Variants in CHL1 observed in about 807,000 individuals in gnomAD.
CHL1 encodes neural cell adhesion molecule L1-like protein.
CHL1 carries 96 observed loss-of-function variants against 141.9 expected under a neutral mutation model. The observed-to-expected ratio is 0.68, with a 90% CI of 0.57 to 0.80. The LOEUF is 0.80. CHL1 is among the 30% of genes least tolerant of loss of function. The pLI is 0.00. For synonymous variants in CHL1, 613 were observed against 502.2 expected (o/e 1.22, Z -2.95); for missense variants, 1,820 against 1,457.2 (o/e 1.25, Z -4.05).
At chr3:343,133 T>C in intron 8 of CHL1, 102 bp downstream of exon 8, 1 of 859,784 alleles carries the variant, frequency 1.2e-6, no homozygotes, top group Non-Finnish European at 1.8e-6. Flanking sequence ...ATTACAATAC[T>C]GTTATTATGA....
chr3:383,927 T>C (rs776454799), intron 19 of CHL1, 41 bp downstream of exon 19: 1 of 1,397,510 alleles, frequency 7.2e-7, no homozygotes, highest in Admixed American at 1.7e-5. Flanking sequence ...TTTGTGCTTT[T>C]CTCTTCCTCT....
intron 1 of CHL1, among the ~76,000 whole-genome samples, chr3:221,333 T>C (rs1055710296): frequency 4.6e-5 from 7 of 152,210 alleles, no homozygotes; most frequent in African/African-American, 1.2e-4. Context: ...CTAATCATCA[T>C]TGTAAAATTA....
At chr3:224,792 G>C (rs967916888) in intron 1 of CHL1, among the ~76,000 whole-genome samples, 5 of 152,122 alleles carry the variant, frequency 3.3e-5, no homozygotes, top group Admixed American at 3.3e-4. Context: ...TTCCCTGTTG[G>C]CTACATCAAA....
chr3:389,412 C>T lies in CHL1; in HGVS notation c.2408C>T (p.Ala803Val). 6.2e-7 allele frequency: 1 copy of T among 1,614,194 alleles called. No individual in the cohort carries two copies. Among genetic ancestry groups the T allele is most frequent in the Non-Finnish European group, 8.5e-7 (1 of 1,180,032 alleles). ...VYAPYDVKVQ[A>V]INQLGSGPDP... is the part of the protein sequence containing the mutation. ...GCCCCTTATGATGTCAAGGTCCAGG[C>T]TATCAATCAACTAGGATCTGGGCCT... Residue 803 changes from alanine (A) to valine (V), a missense_variant, in exon 20 of 28, where the codon GCT (alanine) becomes GTT (valine). Physicochemically the swap from Ala to Val is moderately conservative, Grantham distance 64 (BLOSUM62 0). Coordinates refer to ENST00000256509, the MANE Select transcript of CHL1 (RefSeq NM_006614.4).
chr3:374,354 G>A (rs912891738), intron 15 of CHL1, among the ~76,000 whole-genome samples: 3 of 152,154 alleles, frequency 2.0e-5, no homozygotes, highest in Non-Finnish European at 4.4e-5. Flanking sequence ...GGTCTCCGCT[G>A]ATCTGCCAAC....
chr3:296,414 C>T (rs1698190043), intron 2 of CHL1, among the ~76,000 whole-genome samples: 2 of 145,632 alleles, frequency 1.4e-5, no homozygotes, highest in African/African-American at 5.3e-5. Context: ...GGATATAAAT[C>T]CTGTCGCCTT....
At chr3:337,725 A>G (rs192333402) in intron 5 of CHL1, among the ~76,000 whole-genome samples, 230 of 152,256 alleles carry the variant, frequency 1.5e-3, no homozygotes, top group African/African-American at 5.2e-3. Flanking sequence ...ATAGTATTCC[A>G]TGGTGTATAT....
At chr3:227,819 T>G (rs115104381) in intron 1 of CHL1, among the ~76,000 whole-genome samples, 1 of 152,350 alleles carries the variant, frequency 6.6e-6, no homozygotes, top group African/African-American at 2.4e-5. Context: ...TGTTAGTGAT[T>G]TTGTTACAGT....
chr3:283,856 G>T (rs35454661), intron 2 of CHL1, among the ~76,000 whole-genome samples: 37,670 of 152,092 alleles, frequency 0.25, 4,899 homozygotes, highest in Middle Eastern at 0.4. Context: ...GTTGAGAACA[G>T]CTGGTATAAA....
chr3:348,125 A>G (rs1211590717), intron 9 of CHL1, among the ~76,000 whole-genome samples: 1 of 152,238 alleles, frequency 6.6e-6, no homozygotes, highest in African/African-American at 2.4e-5. Context: ...CTATAGAGTT[A>G]GGAAGGACAT....
At chr3:242,513 T>A (rs370287005) in intron 1 of CHL1, among the ~76,000 whole-genome samples, 7 of 151,796 alleles carry the variant, frequency 4.6e-5, no homozygotes, top group African/African-American at 9.7e-5. Flanking sequence ...GGAGAATGGC[T>A]TGAACCAGGG....
intron 1 of CHL1, among the ~76,000 whole-genome samples, chr3:207,968 C>T (rs1198368089): frequency 6.6e-6 from 1 of 152,140 alleles, no homozygotes; most frequent in African/African-American, 2.4e-5. Flanking sequence ...TTGGATTTGA[C>T]CTTAACCACT....
intron 5 of CHL1, among the ~76,000 whole-genome samples, chr3:330,953 ATCTC>A (rs150871584): frequency 1.3e-5 from 2 of 150,354 alleles, no homozygotes; most frequent in Non-Finnish European, 3.0e-5. Flanking sequence ...GTTAGCATGG[ATCTC>A]TCTCTCTCTC....
At chr3:256,734 G>A (rs967373599) in intron 2 of CHL1, among the ~76,000 whole-genome samples, 5 of 152,190 alleles carry the variant, frequency 3.3e-5, no homozygotes, top group East Asian at 1.9e-4. Context: ...ATTTGGGAAC[G>A]AGGGGAGGAT....
intron 2 of CHL1, among the ~76,000 whole-genome samples, chr3:299,964 G>A (rs981755429): frequency 7.2e-5 from 11 of 152,288 alleles, no homozygotes; most frequent in Non-Finnish European, 1.0e-4. Flanking sequence ...GTTGTTGGCC[G>A]CCTCTCCCTT....
chr3:223,286 A>G (rs1030677081), intron 1 of CHL1, among the ~76,000 whole-genome samples: 1 of 152,198 alleles, frequency 6.6e-6, no homozygotes, highest in Non-Finnish European at 1.5e-5. Flanking sequence ...TACTTAAGTG[A>G]AGTGTTATAG....
chr3:365,404 G>A lies in CHL1; in HGVS notation c.1586-546G>A, dbSNP rs140885362. Among the ~76,000 whole-genome samples the A allele has an allele frequency of 7.7e-3, 1,165 of 152,244 alleles. 18 individuals are homozygous for A. The highest frequency in any genetic ancestry group is 0.027 in the African/African-American group (1,109 of 41,524). Reference sequence around the variant, plus strand: ...ACACTATGTATTGAATGCCTACGGTGTACAGGCTCCCTTCTAGGCTCTGGA... The same window carrying A: ...ACACTATGTATTGAATGCCTACGGTATACAGGCTCCCTTCTAGGCTCTGGA... On this transcript the variant is annotated intron_variant, in intron 14 of 27. Coordinates refer to ENST00000256509, the MANE Select transcript of CHL1 (RefSeq NM_006614.4).
intron 1 of CHL1, among the ~76,000 whole-genome samples, chr3:228,255 A>G (rs748300497): frequency 1.4e-4 from 22 of 152,338 alleles, no homozygotes; most frequent in Non-Finnish European, 1.9e-4. Context: ...AGAATCTTTT[A>G]TCTTTTACCC....
chr3:317,899 A>C (rs1009062454), intron 2 of CHL1, among the ~76,000 whole-genome samples: 11 of 151,934 alleles, frequency 7.2e-5, no homozygotes, highest in Non-Finnish European at 4.4e-5. Flanking sequence ...ACATAGTGAC[A>C]CATTGAACAT....
Sources: gnomAD v4.1 joint callset for allele counts (sites outside exome capture counted in the v4.1 genomes callset) on GRCh38, gnomAD v4.1.1 for gene constraint, MANE v1.5 for transcripts, NCBI Gene and HGNC (gene_info 2026-07-23, HGNC 2026-07-21) for gene names.